GABRA2: variants seen among roughly 807,000 people sequenced by gnomAD.
GABRA2 encodes gamma-aminobutyric acid receptor subunit alpha-2.
GABRA2 carries 16 observed loss-of-function variants against 48.7 expected under a neutral mutation model. The observed-to-expected ratio is 0.33, with a 90% CI of 0.22 to 0.50. The LOEUF is 0.50. GABRA2 is among the 20% of genes least tolerant of loss of function. GABRA2 has a pLI of 0.98. For missense variants in GABRA2, 275 were observed against 535.6 expected (o/e 0.51, Z 4.80); for synonymous variants, 185 against 184.5 (o/e 1.00, Z -0.02).
At chr4:46,320,308 AAAGGT>A in intron 4 of GABRA2, among the ~76,000 whole-genome samples, 1 of 152,018 alleles carries the variant, frequency 6.6e-6, no homozygotes, top group Non-Finnish European at 1.5e-5. Flanking sequence ...CTAAAGACCT[AAAGGT>A]AAGACCTGAA....
chr4:46,372,792 T>C (rs931688068), intron 3 of GABRA2, among the ~76,000 whole-genome samples: 2 of 152,156 alleles, frequency 1.3e-5, no homozygotes, highest in African/African-American at 4.8e-5. Context: ...TTTTCTAATG[T>C]CTTCAGACAG....
intron 9 of GABRA2, among the ~76,000 whole-genome samples, chr4:46,254,053 AT>A (rs1247515925): frequency 6.6e-6 from 1 of 151,494 alleles, no homozygotes; most frequent in Non-Finnish European, 1.5e-5. Flanking sequence ...CATAATATAT[AT>A]TATTAATATT....
chr4:46,260,927 A>G (rs1391218521), intron 9 of GABRA2: 2 of 151,914 alleles, frequency 1.3e-5, no homozygotes, highest in Admixed American at 1.3e-4. Flanking sequence ...TGTATATTTA[A>G]ACTGTAACAT....
chr4:46,246,195 A>C lies in GABRA2; in HGVS notation c.*4113T>G, dbSNP rs1713688233. Among the ~76,000 whole-genome samples, 1 of 151,046 alleles carries C rather than the reference A, an allele frequency of 6.6e-6. No individual in the cohort carries two copies. Among genetic ancestry groups the C allele is most frequent in the Non-Finnish European group, 1.5e-5 (1 of 67,440 alleles). Reference sequence around the variant, plus strand: ...GAAGTTAAAAAGGGAAAAATGCTTCACTTGGTTTAATTAACAACAGTCTCC... The same window carrying C: ...GAAGTTAAAAAGGGAAAAATGCTTCCCTTGGTTTAATTAACAACAGTCTCC... On this transcript the variant is annotated 3_prime_UTR_variant, in exon 10 of 10. Transcript: ENST00000381620.
chr4:46,382,193 C>CATAT lies in GABRA2; in HGVS notation c.187+3877_187+3880dup, dbSNP rs71652883. ...ACACAAACATACACACACACACACA[C>CATAT]ATATATATATATATATAAAGTGCTA... On this transcript the variant is annotated intron_variant, in intron 3 of 9. Coordinates refer to ENST00000381620, the MANE Select transcript of GABRA2 (RefSeq NM_000807.4). Among the ~76,000 whole-genome samples, 751 of 148,400 alleles carry CATAT rather than the reference C, an allele frequency of 5.1e-3. 1 individual carries two copies. Among genetic ancestry groups the CATAT allele is most frequent in the African/African-American group, 9.5e-3 (385 of 40,404 alleles).
intron 3 of GABRA2, among the ~76,000 whole-genome samples, chr4:46,356,063 C>T (rs951552626): frequency 6.6e-6 from 1 of 152,122 alleles, no homozygotes; most frequent in Admixed American, 6.6e-5. Flanking sequence ...CAACACTATA[C>T]CCCCTGTTAA....
At chr4:46,389,000 C>T in intron 1 of GABRA2, 3 of 1,210,622 alleles carry the variant, frequency 2.5e-6, no homozygotes, top group Non-Finnish European at 3.1e-6. Context: ...CCAGGAACGT[C>T]CCCCAGCCTC....
intron 3 of GABRA2, among the ~76,000 whole-genome samples, chr4:46,371,583 G>A (rs1287677764): frequency 6.9e-6 from 1 of 145,542 alleles, no homozygotes; most frequent in East Asian, 1.9e-4. Flanking sequence ...TACATACCAT[G>A]TATAGATATA....
At chr4:46,268,445 G>T (rs535044476) in intron 8 of GABRA2, among the ~76,000 whole-genome samples, 2 of 151,888 alleles carry the variant, frequency 1.3e-5, no homozygotes, top group Admixed American at 6.6e-5. Context: ...GAAAAAAATG[G>T]CCAACATCAC....
rs544510200 is a variant in GABRA2, at chr4:46,248,106, C to A, written c.*2202G>T. ...AGTATAGATAAGCCTTTTCTGTTGTCATACAGAAACTGTTATTTACAACTG... is the reference window on the plus strand; with the variant it reads ...AGTATAGATAAGCCTTTTCTGTTGTAATACAGAAACTGTTATTTACAACTG... On this transcript the variant is annotated 3_prime_UTR_variant, in exon 10 of 10. Coordinates refer to ENST00000381620, the MANE Select transcript of GABRA2 (RefSeq NM_000807.4). 6.6e-6 allele frequency among the ~76,000 whole-genome samples: 1 copy of A among 151,378 alleles called. No individual in the cohort carries two copies. The highest frequency in any genetic ancestry group is 2.4e-5 in the African/African-American group (1 of 41,448).
intron 3 of GABRA2, among the ~76,000 whole-genome samples, chr4:46,349,556 G>A (rs1352139835): frequency 4.6e-5 from 7 of 151,880 alleles, no homozygotes; most frequent in Non-Finnish European, 8.8e-5. Context: ...GGTTGCTTTT[G>A]TTTCAAGTAG....
At chr4:46,258,569 C>CCG (rs1716316883) in intron 9 of GABRA2, among the ~76,000 whole-genome samples, 1 of 151,774 alleles carries the variant, frequency 6.6e-6, no homozygotes, top group African/African-American at 2.4e-5. Flanking sequence ...GCAGAATTGA[C>CCG]TGTCTTTAGG....
At chr4:46,298,597 T>C (rs1725176677) in intron 8 of GABRA2, among the ~76,000 whole-genome samples, 1 of 152,026 alleles carries the variant, frequency 6.6e-6, no homozygotes, top group South Asian at 2.1e-4. Flanking sequence ...TTATTTATCA[T>C]ATATTTTATA....
chr4:46,261,808 GA>G, intron 9 of GABRA2, 117 bp downstream of exon 9: 4 of 868,244 alleles, frequency 4.6e-6, no homozygotes, highest in Non-Finnish European at 7.4e-6. Flanking sequence ...AAATTGATAT[GA>G]TTCAAATTCA....
chr4:46,308,813 C>T lies in GABRA2; in HGVS notation c.559+1360G>A, dbSNP rs1026624524. Among the ~76,000 whole-genome samples the T allele has an allele frequency of 2.0e-4, 31 of 151,876 alleles. No individual in the cohort carries two copies. The East Asian group carries it at 4.6e-3, about 23-fold the overall frequency. On this transcript the variant is annotated intron_variant, in intron 6 of 9. Coordinates refer to ENST00000381620, the MANE Select transcript of GABRA2 (RefSeq NM_000807.4). ...AGTGTGCTTATTTCATTTTCAGAATCGAGACATCCATCACATCATTTATAT... is the reference window on the plus strand; with the variant it reads ...AGTGTGCTTATTTCATTTTCAGAATTGAGACATCCATCACATCATTTATAT...
In GABRA2 at chr4:46,311,457, A is replaced by G. The variant is rs546889010; in HGVS notation, c.476+1039T>C. Among the ~76,000 whole-genome samples, 8 of 152,304 alleles carry G rather than the reference A, an allele frequency of 5.3e-5. No homozygotes were observed. In the South Asian group the frequency reaches 1.7e-3, roughly 32 times the overall value. On this transcript the variant is annotated intron_variant, in intron 5 of 9. Coordinates refer to ENST00000381620, the MANE Select transcript of GABRA2 (RefSeq NM_000807.4). ...GTCAGATGTCTGTTTTAAATCTTTT[A>G]TGAAACATTTTAACTTTAGATTCCA...
chr4:46,252,171 T>C (rs1205525682), intron 9 of GABRA2, among the ~76,000 whole-genome samples: 1 of 151,472 alleles, frequency 6.6e-6, no homozygotes, highest in Non-Finnish European at 1.5e-5. Context: ...CATCTTTCAC[T>C]GGCCTGAGTT....
intron 3 of GABRA2, chr4:46,365,103 A>G (rs1005267258): frequency 3.3e-5 from 5 of 152,170 alleles, no homozygotes; most frequent in Non-Finnish European, 2.9e-5. Context: ...GAAATACAAC[A>G]TATTTATGGA....
chr4:46,328,222 T>A (rs1730710459), intron 4 of GABRA2, among the ~76,000 whole-genome samples: 1 of 152,052 alleles, frequency 6.6e-6, no homozygotes, highest in Admixed American at 6.6e-5. Flanking sequence ...AATTTAGATC[T>A]ACAACATTTT....
Sources: gnomAD v4.1 joint callset for allele counts (sites outside exome capture counted in the v4.1 genomes callset) on GRCh38, gnomAD v4.1.1 for gene constraint, MANE v1.5 for transcripts, NCBI Gene and HGNC (gene_info 2026-07-23, HGNC 2026-07-21) for gene names.